Variants in NEMP1 observed in about 807,000 individuals in gnomAD.
NEMP1 encodes nuclear envelope integral membrane protein 1.
NEMP1 carries 29 observed loss-of-function variants against 53.7 expected under a neutral mutation model. The observed-to-expected ratio is 0.54, with a 90% CI of 0.40 to 0.74. NEMP1 has a LOEUF of 0.74. NEMP1 is among the 30% of genes least tolerant of loss of function. The probability of loss-of-function intolerance (pLI) is 0.00; values close to 1 mark genes in which losing one functional copy is unlikely to be tolerated. For missense variants in NEMP1, 477 were observed against 528.6 expected (o/e 0.90, Z 0.96); for synonymous variants, 193 against 192.9 (o/e 1.00, Z 0.00).
upstream of NEMP1, among the ~76,000 whole-genome samples, chr12:57,080,335 T>C (rs1010514563): frequency 6.6e-6 from 1 of 151,852 alleles, no homozygotes; most frequent in Non-Finnish European, 1.5e-5. Flanking sequence ...TCCTAACACT[T>C]TGGGAGTCCG....
At chr12:57,075,251 G>A (rs921458739) in intron 1 of NEMP1, among the ~76,000 whole-genome samples, 5 of 151,658 alleles carry the variant, frequency 3.3e-5, no homozygotes, top group African/African-American at 4.8e-5. Flanking sequence ...AGCTGGGTAC[G>A]GTGGCGGGCG....
intron 3 of NEMP1, among the ~76,000 whole-genome samples, chr12:57,070,217 A>G (rs1031093671): frequency 1.3e-5 from 2 of 151,720 alleles, no homozygotes; most frequent in Non-Finnish European, 2.9e-5. Context: ...GGTTCCATGA[A>G]TACTCTTTTT....
At chr12:57,068,607 C>T (rs1402559269) in intron 4 of NEMP1, among the ~76,000 whole-genome samples, 2 of 152,076 alleles carry the variant, frequency 1.3e-5, no homozygotes, top group Non-Finnish European at 2.9e-5. Flanking sequence ...GCTCTGTTGC[C>T]CAGGCTGGAG....
chr12:57,069,120 C>A (rs1011992519), intron 4 of NEMP1, 114 bp downstream of exon 4: 4 of 627,124 alleles, frequency 6.4e-6, no homozygotes, highest in African/African-American at 5.7e-5. Context: ...AAGCAGGCAA[C>A]GGCCAAGCCA....
At chr12:57,069,337 G>A in intron 3 of NEMP1, 31 bp from the exon 4 acceptor site, 1 of 1,448,088 alleles carries the variant, frequency 6.9e-7, no homozygotes. Flanking sequence ...TGCTTAATAA[G>A]GGAACAAAAC....
Position 57,056,700 on chromosome 12 carries a change from C to CTAA in NEMP1, c.*3176_*3178dup, listed in dbSNP as rs2031541745. The CTAA allele has an allele frequency of 1.3e-5, 2 of 151,836 alleles. No individual in the cohort carries two copies. Among genetic ancestry groups the CTAA allele is most frequent in the African/African-American group, 2.4e-5 (1 of 41,294 alleles). 9.4% of individuals were successfully genotyped at this position (151,836 alleles called of 1,614,324 possible). The stretch of plus-strand genomic sequence containing the variant: ...TTTTTTTTCTAAAACAACAAAAAGA[C>CTAA]TAAGGACAATTACATAATGCATTCC... On this transcript the variant is annotated 3_prime_UTR_variant, in exon 9 of 9. Coordinates refer to ENST00000300128, the MANE Select transcript of NEMP1 (RefSeq NM_001130963.2).
intron 1 of NEMP1, among the ~76,000 whole-genome samples, chr12:57,084,858 C>T (rs2032945129): frequency 6.6e-6 from 1 of 152,136 alleles, no homozygotes; most frequent in South Asian, 2.1e-4. Context: ...TTGAATCTAA[C>T]AAAATGGTAG....
chr12:57,082,259 T>A (rs1457498285), upstream of NEMP1, among the ~76,000 whole-genome samples: 1 of 152,182 alleles, frequency 6.6e-6, no homozygotes, highest in Non-Finnish European at 1.5e-5. Flanking sequence ...GAAATCTGAA[T>A]AAACTGTAGA....
Position 57,059,161 on chromosome 12 carries a change from T to C in NEMP1, c.*718A>G, listed in dbSNP as rs2031671917. On this transcript the variant is annotated 3_prime_UTR_variant, in exon 9 of 9. Coordinates refer to ENST00000300128, the MANE Select transcript of NEMP1 (RefSeq NM_001130963.2). ...TCACCTGCAGAAGAGCCTACAGGCA[T>C]GTTCCTAAAGGCAAATAGGACTTTC... is the stretch of plus-strand genomic sequence containing the variant. The C allele has an allele frequency of 6.6e-6, 1 of 152,204 alleles. No individual in the cohort carries two copies. Among genetic ancestry groups the C allele is most frequent in the African/African-American group, 2.4e-5 (1 of 41,442 alleles). 9.4% of individuals were successfully genotyped at this position (152,204 alleles called of 1,614,324 possible).
chr12:57,088,531 C>T (rs1471322106), upstream of NEMP1, among the ~76,000 whole-genome samples: 1 of 152,234 alleles, frequency 6.6e-6, no homozygotes, highest in Non-Finnish European at 1.5e-5. Context: ...TTCACACGTC[C>T]AGCACCACAA....
At chr12:57,086,139 TGGA>T (rs1383991375) in intron 1 of NEMP1, among the ~76,000 whole-genome samples, 2 of 152,050 alleles carry the variant, frequency 1.3e-5, no homozygotes, top group Non-Finnish European at 2.9e-5. Flanking sequence ...TCTGGCCCAG[TGGA>T]GACGTTGGGG....
At chr12:57,077,582 C>A (rs1025640009) in intron 1 of NEMP1, among the ~76,000 whole-genome samples, 2 of 152,118 alleles carry the variant, frequency 1.3e-5, no homozygotes, top group Non-Finnish European at 2.9e-5. Flanking sequence ...AACGAGAAAA[C>A]TATCTCTGGT....
At chr12:57,076,430 G>A (rs1225825376) in intron 1 of NEMP1, among the ~76,000 whole-genome samples, 1 of 152,162 alleles carries the variant, frequency 6.6e-6, no homozygotes, top group African/African-American at 2.4e-5. Flanking sequence ...TTGGTAGGCT[G>A]AGGCGGGCGG....
chr12:57,069,322 A>G lies in NEMP1; in HGVS notation c.473-16T>C. 6.6e-7 allele frequency: 1 copy of G among 1,522,466 alleles called. No individual in the cohort carries two copies. The highest frequency in any genetic ancestry group is 8.9e-7 in the Non-Finnish European group (1 of 1,129,156). The allele number at this position is 1,522,466 out of a possible 1,614,324, so 94.3% of individuals were successfully genotyped here. A position where few individuals can be genotyped will look rare whatever the true frequency, so the allele number is the denominator to read the frequency against. ...GGATCAAATCCTGAAATAAATAAAG[A>G]TTTTTGCTTAATAAGGGAACAAAAC... On this transcript the variant is annotated splice_polypyrimidine_tract_variant and intron_variant, in intron 3 of 8. Coordinates refer to ENST00000300128, the MANE Select transcript of NEMP1 (RefSeq NM_001130963.2).
Position 57,063,446 on chromosome 12 carries a change from C to G in NEMP1, c.755-102G>C, listed in dbSNP as rs2136486863. ...AATTTACTATATAGCACCAATTGAA[C>G]TAGGAAATCAGATTTTTACTTAATT... is the stretch of plus-strand genomic sequence containing the variant. On this transcript the variant is annotated intron_variant, in intron 6 of 8. Transcript: ENST00000300128. 3 of 832,906 alleles carry G rather than the reference C, an allele frequency of 3.6e-6. No individual in the cohort carries two copies. In the East Asian group the frequency reaches 7.9e-5, roughly 22 times the overall value. The allele number at this position is 832,906 out of a possible 1,614,324, so 51.6% of individuals were successfully genotyped here.
At chr12:57,088,280 A>G (rs994954540), upstream of NEMP1, among the ~76,000 whole-genome samples, 2 of 152,138 alleles carry the variant, frequency 1.3e-5, no homozygotes, top group African/African-American at 2.4e-5. Context: ...CGTGCAGCAT[A>G]ACCCTCCCAT....
intron 1 of NEMP1, among the ~76,000 whole-genome samples, chr12:57,075,461 C>T (rs527392565): frequency 5.5e-4 from 82 of 149,686 alleles, no homozygotes; most frequent in Non-Finnish European, 9.6e-4. Flanking sequence ...CACCACTGCA[C>T]TCCGGCCTGG....
chr12:57,085,777 G>T (rs2032972569), intron 1 of NEMP1, among the ~76,000 whole-genome samples: 1 of 152,244 alleles, frequency 6.6e-6, no homozygotes, highest in Non-Finnish European at 1.5e-5. Flanking sequence ...AGCCAGATTT[G>T]TGGGACTCAC....
At chr12:57,084,951 T>C (rs1592526132) in intron 1 of NEMP1, among the ~76,000 whole-genome samples, 1 of 152,224 alleles carries the variant, frequency 6.6e-6, no homozygotes, top group South Asian at 2.1e-4. Context: ...GTTTTAAAAA[T>C]TGGTCCTTAA....
Sources: gnomAD v4.1 joint callset for allele counts (sites outside exome capture counted in the v4.1 genomes callset) on GRCh38, gnomAD v4.1.1 for gene constraint, MANE v1.5 for transcripts, NCBI Gene and HGNC (gene_info 2026-07-23, HGNC 2026-07-21) for gene names.